GPHN: variants seen among roughly 807,000 people sequenced by gnomAD.
The protein encoded by GPHN is gephyrin.
GPHN carries 17 observed loss-of-function variants against 95.5 expected under a neutral mutation model. The ratio of observed to expected loss-of-function variants is 0.18; its 90% CI spans 0.12 to 0.27. The LOEUF (loss-of-function observed/expected upper bound fraction) is 0.27, where lower values mean the gene tolerates loss of function less well. GPHN is among the 10% of genes least tolerant of loss of function. The probability of loss-of-function intolerance (pLI) is 1.00; values close to 1 mark genes in which losing one functional copy is unlikely to be tolerated. For missense variants in GPHN, 660 were observed against 978.1 expected, an observed-to-expected ratio of 0.67 and a Z score of 4.34; for synonymous variants, 320 against 322.5, an observed-to-expected ratio of 0.99 and a Z score of 0.08.
chr14:67,597,226 C>T, the GPHN span, among the ~76,000 whole-genome samples: 1 of 152,184 alleles, frequency 6.6e-6, no homozygotes, highest in African/African-American at 2.4e-5. Flanking sequence ...GCCTATAATC[C>T]CAACACTTTG....
the GPHN span, among the ~76,000 whole-genome samples, chr14:67,466,412 G>A: frequency 6.6e-6 from 1 of 152,242 alleles, no homozygotes. Flanking sequence ...GGCTCTGCAG[G>A]GATTAATGGT....
chr14:67,461,478 G>C, the GPHN span, among the ~76,000 whole-genome samples: 1 of 152,178 alleles, frequency 6.6e-6, no homozygotes, highest in Non-Finnish European at 1.5e-5. Context: ...TGCAATCAGA[G>C]TTATGAACCT....
At chr14:67,075,205 A>G (rs1385596282) in intron 11 of GPHN, among the ~76,000 whole-genome samples, 1 of 152,214 alleles carries the variant, frequency 6.6e-6, no homozygotes, top group East Asian at 1.9e-4. Flanking sequence ...AGTAGCTTTA[A>G]GAATTATGCT....
Position 66,582,586 on chromosome 14 carries a change from T to C in GPHN, c.64+73995T>C, listed in dbSNP as rs1343113545. Among the ~76,000 whole-genome samples, 7 of 151,388 alleles carry C rather than the reference T, an allele frequency of 4.6e-5. No individual in the cohort carries two copies. The South Asian group carries it at 6.3e-4, about 14-fold the overall frequency. On this transcript the variant is annotated intron_variant, in intron 1 of 22. Coordinates refer to ENST00000478722, the MANE Select transcript of GPHN (RefSeq NM_020806.5). ...TGTGTGATGTTCCCCTTCCTGTGTCTATGTGTTCTCATTGTTCAATTCCCA... is the reference window on the plus strand; with the variant it reads ...TGTGTGATGTTCCCCTTCCTGTGTCCATGTGTTCTCATTGTTCAATTCCCA...
chr14:66,775,602 T>A (rs1347667858), intron 2 of GPHN, among the ~76,000 whole-genome samples: 1 of 152,206 alleles, frequency 6.6e-6, no homozygotes, highest in Non-Finnish European at 1.5e-5. Flanking sequence ...CTTTTGTACA[T>A]CTCAACTCAT....
At chr14:67,361,645 C>T in the GPHN span, among the ~76,000 whole-genome samples, 2 of 152,212 alleles carry the variant, frequency 1.3e-5, no homozygotes, top group Non-Finnish European at 2.9e-5. Context: ...TCCTACCTAC[C>T]ATTTGTCATG....
intron 1 of GPHN, among the ~76,000 whole-genome samples, chr14:66,528,869 G>C (rs868492584): frequency 6.6e-6 from 1 of 152,084 alleles, no homozygotes; most frequent in African/African-American, 2.4e-5. Flanking sequence ...TGGATAACCC[G>C]ACCTTTCTCT....
the GPHN span, chr14:67,584,113 T>C: frequency 1.9e-6 from 3 of 1,613,420 alleles, no homozygotes; most frequent in African/African-American, 4.0e-5. Flanking sequence ...TGCTAAACTT[T>C]TTGCTGCTCA....
chr14:67,588,887 AAAG>A, the GPHN span: 1 of 152,750 alleles, frequency 6.5e-6, no homozygotes, highest in South Asian at 2.1e-4. Context: ...CATGATGAAA[AAAG>A]AAGCACATCC....
chr14:67,724,589 G>A, the GPHN span: 29 of 1,611,200 alleles, frequency 1.8e-5, no homozygotes, highest in Non-Finnish European at 2.3e-5. Context: ...CTCGCTAGCC[G>A]AGGTAAGTGT....
chr14:67,687,553 C>T, the GPHN span, among the ~76,000 whole-genome samples: 5 of 149,242 alleles, frequency 3.4e-5, no homozygotes, highest in Admixed American at 1.3e-4. Context: ...CTCACCACAA[C>T]CTCTGCCTCC....
chr14:67,365,069 CA>C, the GPHN span: 1 of 1,468,998 alleles, frequency 6.8e-7, no homozygotes, highest in Non-Finnish European at 9.1e-7. Flanking sequence ...TTTAAAAATA[CA>C]TTTTTTGTAA....
intron 1 of GPHN, among the ~76,000 whole-genome samples, chr14:66,574,000 C>T (rs117107419): frequency 0.012 from 1,840 of 152,174 alleles, 20 homozygotes; most frequent in Non-Finnish European, 0.018. Context: ...AGGAATCAGT[C>T]CATTTACAAT....
At chr14:66,544,896 G>C (rs942322918) in intron 1 of GPHN, among the ~76,000 whole-genome samples, 12 of 152,084 alleles carry the variant, frequency 7.9e-5, no homozygotes, top group African/African-American at 2.9e-4. Flanking sequence ...AGAGAGCACA[G>C]GGTTGGGGGT....
chr14:67,645,210 G>C, the GPHN span, among the ~76,000 whole-genome samples: 147,036 of 151,520 alleles, frequency 0.97, 71,473 homozygotes, highest in East Asian at 1. Flanking sequence ...GACAGGGTGT[G>C]ACTATTTTGC....
chr14:67,177,541 G>A (rs1251751871), intron 21 of GPHN, among the ~76,000 whole-genome samples: 1 of 152,194 alleles, frequency 6.6e-6, no homozygotes, highest in Non-Finnish European at 1.5e-5. Flanking sequence ...TTGCTGAGAA[G>A]AATGTACATT....
At chr14:66,671,872 T>A (rs1318914351) in intron 1 of GPHN, among the ~76,000 whole-genome samples, 1 of 152,142 alleles carries the variant, frequency 6.6e-6, no homozygotes, top group Non-Finnish European at 1.5e-5. Context: ...AGAGGTGTAT[T>A]GATTTTATCA....
At chr14:67,421,931 G>T in the GPHN span, among the ~76,000 whole-genome samples, 1 of 152,162 alleles carries the variant, frequency 6.6e-6, no homozygotes, top group South Asian at 2.1e-4. Context: ...TGAGTTATTA[G>T]GATGGTGCTT....
In GPHN at chr14:66,932,445, T is replaced by TG; in HGVS notation, c.828+8153_828+8154insG. 1.0e-4 allele frequency among the ~76,000 whole-genome samples: 5 copies of TG among 47,630 alleles called. No homozygotes were observed. The South Asian group carries it at 2.6e-3, about 25-fold the overall frequency. The allele number at this position is 47,630 out of a possible 152,430, so 31.2% of individuals were successfully genotyped here. On this transcript the variant is annotated intron_variant, in intron 8 of 22. Transcript: ENST00000478722. ...GGTGGGGAATCCTGCCAAGACCAGG[T>TG]TTTTTTTTTTTTTTTTTTTTTTTTT...
Sources: allele counts gnomAD v4.1 joint callset (sites outside exome capture counted in the v4.1 genomes callset), GRCh38; gene constraint gnomAD v4.1.1; transcripts MANE v1.5; gene names NCBI Gene and HGNC (gene_info 2026-07-23, HGNC 2026-07-21).